DHRS12: variants seen among roughly 807,000 people sequenced by gnomAD.
DHRS12 encodes dehydrogenase/reductase 12, also known as dehydrogenase/reductase SDR family member 12.
DHRS12 carries 29 observed loss-of-function variants against 32.1 expected under a neutral mutation model. The observed-to-expected ratio is 0.90, with a 90% CI of 0.67 to 1.23. The LOEUF is 1.23. Among genes scored for constraint, DHRS12 ranks in the 50% most tolerant of loss-of-function variants. The pLI is 0.00. For synonymous variants in DHRS12, 150 were observed against 135.9 expected, an observed-to-expected ratio of 1.10 and a Z score of -0.72; for missense variants, 330 against 337.2, an observed-to-expected ratio of 0.98 and a Z score of 0.17.
chr13:51,755,361 C>A, the DHRS12 span: 1 of 1,614,168 alleles, frequency 6.2e-7, no homozygotes, highest in African/African-American at 1.3e-5. Flanking sequence ...TGACAAGACC[C>A]CTGAATGGTT....
chr13:51,771,481 C>T (rs761745872), intron 7 of DHRS12: 1 of 1,614,176 alleles, frequency 6.2e-7, no homozygotes, highest in Non-Finnish European at 8.5e-7. Context: ...TTCCTCAGCT[C>T]CTGCTCATTC....
In DHRS12 at chr13:51,784,954, G is replaced by A. The variant is rs182194132; in HGVS notation, c.301+5057C>T. Among the ~76,000 whole-genome samples, 571 of 152,336 alleles carry A rather than the reference G, an allele frequency of 3.7e-3. 4 individuals carry two copies. Among genetic ancestry groups the A allele is most frequent in the Admixed American group, 0.02 (311 of 15,300 alleles). ...TAAATGTTTATGTAACAAGCCAGGC[G>A]CAGTGGCTCATGCCTGTAATCCCAG... On this transcript the variant is annotated intron_variant, in intron 4 of 8. Coordinates refer to ENST00000444610, the MANE Select transcript of DHRS12 (RefSeq NM_001377533.1).
chr13:51,803,853 T>G, intron 1 of DHRS12: 2 of 400,168 alleles, frequency 5.0e-6, no homozygotes, highest in Non-Finnish European at 8.3e-6. Context: ...GTCGCGGGCA[T>G]TGAGCGGCTG....
chr13:51,776,983 C>A (rs1954452537), intron 5 of DHRS12, 77 bp downstream of exon 5: 1 of 1,546,296 alleles, frequency 6.5e-7, no homozygotes, highest in African/African-American at 1.4e-5. Flanking sequence ...GGCAGTCAGG[C>A]AGCAAACCTA....
the DHRS12 span, chr13:51,756,606 C>T: frequency 7.3e-7 from 1 of 1,378,814 alleles, no homozygotes; most frequent in Non-Finnish European, 9.4e-7. Context: ...AAAAGCTCTC[C>T]TTTGCCACCA....
chr13:51,756,239 T>C, the DHRS12 span: 12 of 1,512,518 alleles, frequency 7.9e-6, no homozygotes, highest in Non-Finnish European at 1.1e-5. Flanking sequence ...CTGGATGCAG[T>C]TGATTACACC....
chr13:51,789,937 T>C (rs183338801), intron 4 of DHRS12, 74 bp downstream of exon 4: 2 of 1,370,842 alleles, frequency 1.5e-6, no homozygotes, highest in African/African-American at 3.0e-5. Context: ...AGTTGGTCAA[T>C]TTTTTTTTAC....
intron 1 of DHRS12, chr13:51,803,483 G>A (rs531137958): frequency 6.6e-6 from 1 of 152,352 alleles, no homozygotes; most frequent in South Asian, 2.1e-4. Flanking sequence ...ACCACAATGA[G>A]GTGGAGAGCC....
Position 51,777,106 on chromosome 13 carries a change from G to A in DHRS12, c.317C>T (p.Thr106Met), listed in dbSNP as rs765630168. Residue 106 changes from threonine to methionine, a missense_variant, in exon 5 of 9, where the codon ACG (threonine) becomes ATG (methionine). Coordinates refer to ENST00000444610, the MANE Select transcript of DHRS12 (RefSeq NM_001377533.1). ...CTCCAGCACAGGGATCAGGCCGGTC[G>A]TGAGAATGTACACACCTGAGGCAGC... ...AANTLGVYILTTGLIPVLEKE... is the reference protein window; with the variant it reads ...AANTLGVYILMTGLIPVLEKE... 3.0e-5 allele frequency: 49 copies of A among 1,613,940 alleles called. No homozygotes were observed. The East Asian group carries it at 6.7e-4, about 22-fold the overall frequency.
intron 1 of DHRS12, among the ~76,000 whole-genome samples, chr13:51,803,265 G>A (rs1955840664): frequency 6.6e-6 from 1 of 152,190 alleles, no homozygotes; most frequent in Non-Finnish European, 1.5e-5. Flanking sequence ...AGAATCACCT[G>A]GGGCATTTGG....
chr13:51,785,912 T>C (rs973777184), intron 4 of DHRS12, among the ~76,000 whole-genome samples: 2 of 152,306 alleles, frequency 1.3e-5, no homozygotes, highest in Admixed American at 1.3e-4. Context: ...TCCTCATTTG[T>C]AAAATCTGTA....
intron 1 of DHRS12, 136 bp downstream of exon 1, chr13:51,803,918 C>T (rs1291659254): frequency 1.0e-5 from 8 of 802,112 alleles, no homozygotes; most frequent in Non-Finnish European, 1.3e-5. Flanking sequence ...CGGGCGCACC[C>T]GTCGTTCTGG....
At chr13:51,770,780 T>C in intron 7 of DHRS12, 1 of 1,025,814 alleles carries the variant, frequency 9.7e-7, no homozygotes, top group East Asian at 8.8e-5. Context: ...CATGTACTAT[T>C]CAGGAACTTG....
chr13:51,757,349 CTT>C, the DHRS12 span, among the ~76,000 whole-genome samples: 5 of 152,012 alleles, frequency 3.3e-5, no homozygotes, highest in Non-Finnish European at 4.4e-5. Flanking sequence ...AAGACATAGA[CTT>C]TAAGAGTTTA....
Position 51,785,343 on chromosome 13 carries a change from T to TA in DHRS12, c.301+4667dup, listed in dbSNP as rs386379187. Among the ~76,000 whole-genome samples the TA allele has an allele frequency of 3.3e-3, 482 of 145,984 alleles. 6 individuals carry two copies. The East Asian group carries it at 0.041, about 12-fold the overall frequency. Reference sequence around the variant, plus strand: ...GACCCGTTTTCAAAGAATTGGAATGTAAAAAAAAAAACAAACCCTTGTGGC... The same window carrying TA: ...GACCCGTTTTCAAAGAATTGGAATGTAAAAAAAAAAAACAAACCCTTGTGGC... On this transcript the variant is annotated intron_variant, in intron 4 of 8. Transcript: ENST00000444610.
chr13:51,795,549 C>A (rs531858717), intron 2 of DHRS12, among the ~76,000 whole-genome samples: 1 of 152,094 alleles, frequency 6.6e-6, no homozygotes, highest in Non-Finnish European at 1.5e-5. Context: ...GGGAACTGAA[C>A]GCAGGGATTG....
At chr13:51,781,518 G>C (rs1954706009) in intron 4 of DHRS12, among the ~76,000 whole-genome samples, 1 of 152,210 alleles carries the variant, frequency 6.6e-6, no homozygotes, top group African/African-American at 2.4e-5. Context: ...GTCGAGGTAA[G>C]TGCTAGAGTG....
the DHRS12 span, among the ~76,000 whole-genome samples, chr13:51,758,487 G>T: frequency 6.6e-6 from 1 of 150,936 alleles, no homozygotes; most frequent in African/African-American, 2.4e-5. Flanking sequence ...GGAGTTGAAG[G>T]CTACAGTGAG....
intron 4 of DHRS12, among the ~76,000 whole-genome samples, chr13:51,785,574 G>A (rs1201752330): frequency 6.6e-6 from 1 of 152,170 alleles, no homozygotes; most frequent in East Asian, 1.9e-4. Context: ...GCACACCTGG[G>A]CCTCTGCCAT....
Sources: gnomAD v4.1 joint callset for allele counts (sites outside exome capture counted in the v4.1 genomes callset) on GRCh38, gnomAD v4.1.1 for gene constraint, MANE v1.5 for transcripts, NCBI Gene and HGNC (gene_info 2026-07-23, HGNC 2026-07-21) for gene names.